CADPS: variants seen among roughly 807,000 people sequenced by gnomAD.
The protein encoded by CADPS is calcium-dependent secretion activator 1.
CADPS carries 57 observed loss-of-function variants against 167.3 expected under a neutral mutation model. The observed-to-expected ratio is 0.34, with a 90% confidence interval of 0.28 to 0.42. The LOEUF (loss-of-function observed/expected upper bound fraction) is 0.42. Among genes scored for constraint, CADPS ranks in the 20% least tolerant of loss-of-function variants. CADPS has a pLI of 1.00. For synonymous variants in CADPS, 676 were observed against 635.3 expected (o/e 1.06, Z -0.96); for missense variants, 1,414 against 1,738.1 (o/e 0.81, Z 3.32).
At chr3:62,732,685 A>G (rs536279474) in intron 3 of CADPS, among the ~76,000 whole-genome samples, 19 of 152,378 alleles carry the variant, frequency 1.2e-4, no homozygotes, top group African/African-American at 4.6e-4. Flanking sequence ...TGGCCTAAGG[A>G]AATAAACATG....
chr3:62,573,030 C>T (rs544483871), intron 8 of CADPS, among the ~76,000 whole-genome samples: 1 of 152,258 alleles, frequency 6.6e-6, no homozygotes, highest in East Asian at 1.9e-4. Context: ...TACAGATGTG[C>T]ACCACCATGT....
rs527942450 is a variant in CADPS, at chr3:62,468,244, A to G, written c.3478-1831T>C. ...TTTTAGGTCTTGAGATAAGATCCAG[A>G]ATCACATGCTTACTTTTCCTCCTCA... On this transcript the variant is annotated intron_variant, in intron 24 of 29. Coordinates refer to ENST00000383710, the MANE Select transcript of CADPS (RefSeq NM_003716.4). 2.6e-5 allele frequency among the ~76,000 whole-genome samples: 4 copies of G among 152,316 alleles called. No individual in the cohort carries two copies. In the South Asian group the frequency reaches 8.3e-4, roughly 32 times the overall value.
At position 62,577,730 on chromosome 3, in the gene CADPS, CTG is replaced by C. The variant is rs548586092; in HGVS notation, c.1578-6794_1578-6793del. Among the ~76,000 whole-genome samples, 151 of 152,314 alleles carry C rather than the reference CTG, an allele frequency of 9.9e-4. No individual in the cohort carries two copies. In the South Asian group the frequency reaches 0.015, roughly 15 times the overall value. On this transcript the variant is annotated intron_variant, in intron 8 of 29. Coordinates refer to ENST00000383710, the MANE Select transcript of CADPS (RefSeq NM_003716.4). ...TCACAACAACCCTACAAGACAAACA[CTG>C]TTGTTATTTCTGCTTTACGTTGAGC...
At chr3:62,426,319 T>G (rs748003873) in intron 28 of CADPS, among the ~76,000 whole-genome samples, 7 of 152,124 alleles carry the variant, frequency 4.6e-5, no homozygotes, top group Non-Finnish European at 7.3e-5. Context: ...CTCAGCTAAT[T>G]TTTGTATTTT....
intron 1 of CADPS, among the ~76,000 whole-genome samples, chr3:62,800,876 T>C (rs1451393902): frequency 6.6e-6 from 1 of 152,204 alleles, no homozygotes; most frequent in African/African-American, 2.4e-5. Context: ...AAAACAATTT[T>C]ACACCTAGAG....
intron 13 of CADPS, among the ~76,000 whole-genome samples, chr3:62,523,874 G>A (rs1229572823): frequency 6.6e-6 from 1 of 152,180 alleles, no homozygotes; most frequent in African/African-American, 2.4e-5. Flanking sequence ...TCTCCAAATG[G>A]ATGCATGCCT....
intron 7 of CADPS, among the ~76,000 whole-genome samples, chr3:62,589,828 G>A (rs1363809057): frequency 6.6e-6 from 1 of 152,176 alleles, no homozygotes; most frequent in Non-Finnish European, 1.5e-5. Context: ...ATGGCTTTGA[G>A]AAGTCAGTGA....
At chr3:62,424,229 G>A (rs2052115115) in intron 28 of CADPS, among the ~76,000 whole-genome samples, 2 of 152,126 alleles carry the variant, frequency 1.3e-5, no homozygotes, top group South Asian at 4.2e-4. Context: ...TGTCACCCAG[G>A]TTGGAGTGCA....
At chr3:62,690,374 A>T (rs1309139094) in intron 3 of CADPS, among the ~76,000 whole-genome samples, 1 of 152,038 alleles carries the variant, frequency 6.6e-6, no homozygotes, top group Non-Finnish European at 1.5e-5. Context: ...CGGAAAATAC[A>T]GTTGACTTTT....
intron 6 of CADPS, among the ~76,000 whole-genome samples, chr3:62,599,434 C>G (rs1186027774): frequency 1.5e-5 from 2 of 130,280 alleles, no homozygotes; most frequent in Non-Finnish European, 3.1e-5. Context: ...CTCAGAGTTT[C>G]TGACCTCAAA....
intron 6 of CADPS, among the ~76,000 whole-genome samples, chr3:62,613,838 G>C (rs957346158): frequency 6.6e-6 from 1 of 152,138 alleles, no homozygotes; most frequent in African/African-American, 2.4e-5. Flanking sequence ...GAAGAAAGGA[G>C]GGCAGCCATT....
At chr3:62,475,794 C>G (rs2061245069) in intron 23 of CADPS, among the ~76,000 whole-genome samples, 1 of 152,042 alleles carries the variant, frequency 6.6e-6, no homozygotes, top group Non-Finnish European at 1.5e-5. Context: ...CTGATGAGGA[C>G]TGAGTTGGAC....
At chr3:62,858,706 C>A (rs1358466911) in intron 1 of CADPS, among the ~76,000 whole-genome samples, 1 of 152,072 alleles carries the variant, frequency 6.6e-6, no homozygotes, top group Admixed American at 6.6e-5. Flanking sequence ...AAACACACTG[C>A]GTAAATTTGT....
At chr3:62,737,883 CCATTATCCTCTGTCTCCT>C (rs1346588659) in intron 3 of CADPS, among the ~76,000 whole-genome samples, 1 of 152,154 alleles carries the variant, frequency 6.6e-6, no homozygotes, top group Non-Finnish European at 1.5e-5. Flanking sequence ...TCAAATACCA[CCATTATCCTCTGTCTCCT>C]CATTCTGATT....
chr3:62,514,166 A>G lies in CADPS; in HGVS notation c.2582-1398T>C, dbSNP rs988266948. On this transcript the variant is annotated intron_variant, in intron 16 of 29. Coordinates refer to ENST00000383710, the MANE Select transcript of CADPS (RefSeq NM_003716.4). The surrounding 1 kb of genome is among the most constrained non-coding windows in gnomAD (Gnocchi z 4.2). ...CAGAGGGGCTCAAATGTAAAAAATG[A>G]AAGATTTCTTCTCTGAGGGTAGGAT... Among the ~76,000 whole-genome samples, 11 of 152,080 alleles carry G rather than the reference A, an allele frequency of 7.2e-5. No homozygotes were observed. The highest frequency in any genetic ancestry group is 1.5e-4 in the Non-Finnish European group (10 of 67,982).
chr3:62,701,643 AAAG>A (rs2081415953), intron 3 of CADPS, among the ~76,000 whole-genome samples: 2 of 151,826 alleles, frequency 1.3e-5, no homozygotes, highest in Non-Finnish European at 2.9e-5. Flanking sequence ...AAGGAAAAGA[AAAG>A]AAAAGATGCC....
At chr3:62,635,920 T>C (rs1481937459) in intron 6 of CADPS, among the ~76,000 whole-genome samples, 1 of 152,162 alleles carries the variant, frequency 6.6e-6, no homozygotes, top group Non-Finnish European at 1.5e-5. Flanking sequence ...GCTATATAGT[T>C]TTTTTCCAAG....
chr3:62,790,871 T>C (rs2092872569), intron 1 of CADPS, among the ~76,000 whole-genome samples: 1 of 152,120 alleles, frequency 6.6e-6, no homozygotes, highest in Non-Finnish European at 1.5e-5. Flanking sequence ...CCCTCATATA[T>C]TTTCTGAGTC....
At chr3:62,486,934 A>T (rs1312762740) in intron 21 of CADPS, among the ~76,000 whole-genome samples, 2 of 152,224 alleles carry the variant, frequency 1.3e-5, no homozygotes, top group African/African-American at 4.8e-5. Flanking sequence ...GGGTAGTAAC[A>T]TCTGGGTCAT....
Sources: gnomAD v4.1 joint callset for allele counts (sites outside exome capture counted in the v4.1 genomes callset) on GRCh38, gnomAD v4.1.1 for gene constraint, Gnocchi (gnomAD v3.1) non-coding constraint, MANE v1.5 for transcripts, NCBI Gene and HGNC (gene_info 2026-07-23, HGNC 2026-07-21) for gene names.